ADCY9: variants seen among roughly 807,000 people sequenced by gnomAD.
ADCY9 encodes the protein adenylate cyclase type 9.
In ADCY9, 50 loss-of-function variants were observed where a neutral mutation model predicts 101.5. The observed-to-expected ratio is 0.49, with a 90% CI of 0.39 to 0.62. The LOEUF (loss-of-function observed/expected upper bound fraction) is 0.62, where lower values mean the gene tolerates loss of function less well. Among genes scored for constraint, ADCY9 ranks in the 20% least tolerant of loss-of-function variants. The probability of loss-of-function intolerance (pLI) is 0.00; values close to 1 mark genes in which losing one functional copy is unlikely to be tolerated. For missense variants in ADCY9, 1,662 were observed against 1,800.4 expected, an observed-to-expected ratio of 0.92 and a Z score of 1.39; for synonymous variants, 905 against 769.3, an observed-to-expected ratio of 1.18 and a Z score of -2.92.
intron 9 of ADCY9, among the ~76,000 whole-genome samples, chr16:3,975,671 G>T (rs2056087166): frequency 6.6e-6 from 1 of 152,202 alleles, no homozygotes; most frequent in South Asian, 2.1e-4. Context: ...GCAAGGACAA[G>T]GAAGAAATGT....
intron 2 of ADCY9, among the ~76,000 whole-genome samples, chr16:4,048,412 T>C (rs2056679893): frequency 6.6e-6 from 1 of 152,204 alleles, no homozygotes; most frequent in Non-Finnish European, 1.5e-5. Context: ...GGTCACATTC[T>C]CCCCCTTCTG....
At chr16:4,111,069 G>A (rs2057110777) in intron 2 of ADCY9, among the ~76,000 whole-genome samples, 1 of 152,214 alleles carries the variant, frequency 6.6e-6, no homozygotes, top group Non-Finnish European at 1.5e-5. Context: ...GAAGGAATGT[G>A]CAGAAATCAT....
chr16:4,031,489 T>C (rs535610386), intron 2 of ADCY9, among the ~76,000 whole-genome samples: 2 of 152,156 alleles, frequency 1.3e-5, no homozygotes, highest in African/African-American at 4.8e-5. Context: ...CCAAAGAAAT[T>C]TGGCAAAATG....
At chr16:4,048,943 C>A (rs927967392) in intron 2 of ADCY9, among the ~76,000 whole-genome samples, 3 of 152,122 alleles carry the variant, frequency 2.0e-5, no homozygotes, top group Non-Finnish European at 2.9e-5. Flanking sequence ...AAAACCCAAG[C>A]AAATGAAGGA....
rs368942880 is a variant in ADCY9 at position 4,115,502 on chromosome 16, G to C, written c.-43-17C>G. On this transcript the variant is annotated splice_polypyrimidine_tract_variant and intron_variant, in intron 1 of 10. Transcript: ENST00000294016. This position sits in a 1 kb window ranked among gnomAD's most constrained non-coding sequence, Gnocchi z 6.2. Reference sequence around the variant, plus strand: ...CACCAGTACCTGCCAGCAAAACGGGGAGAGTTAGCGGCGCTCCCACCTAGG... The same window carrying C: ...CACCAGTACCTGCCAGCAAAACGGGCAGAGTTAGCGGCGCTCCCACCTAGG... The C allele has an allele frequency of 2.7e-5, 40 of 1,466,814 alleles. No individual in the cohort carries two copies. In the South Asian group the frequency reaches 5.2e-4, roughly 19 times the overall value. 90.9% of individuals were successfully genotyped at this position (1,466,814 alleles called of 1,614,324 possible). A position where few individuals can be genotyped will look rare whatever the true frequency, so the allele number is the denominator to read the frequency against.
chr16:4,044,583 C>T (rs1245861207), intron 2 of ADCY9, among the ~76,000 whole-genome samples: 3 of 152,058 alleles, frequency 2.0e-5, no homozygotes, highest in African/African-American at 4.8e-5. Context: ...CCAGAGAAAC[C>T]TCGGTTTAAT....
chr16:4,069,237 ATTTT>A, intron 2 of ADCY9, among the ~76,000 whole-genome samples: 2 of 150,590 alleles, frequency 1.3e-5, no homozygotes, highest in Middle Eastern at 6.8e-3. Flanking sequence ...GATTTTTCAA[ATTTT>A]TTTTCTTATT....
intron 2 of ADCY9, chr16:4,031,885 A>C (rs2056557631): frequency 6.6e-6 from 1 of 152,066 alleles, no homozygotes; most frequent in African/African-American, 2.4e-5. Flanking sequence ...TCAATAAATA[A>C]ATAAAATTAA....
chr16:4,109,320 C>T lies in ADCY9; in HGVS notation c.1693+4430G>A, dbSNP rs2057099218. On this transcript the variant is annotated intron_variant, in intron 2 of 10. Transcript: ENST00000294016. ...TCACGGCTCTCTGCAACCTCGACCT[C>T]GTGGGCTCCAGCGATCCTCCTATAT... 2.6e-5 allele frequency among the ~76,000 whole-genome samples: 4 copies of T among 152,302 alleles called. No individual in the cohort carries two copies. In the South Asian group the frequency reaches 8.3e-4, roughly 32 times the overall value.
chr16:4,073,541 T>C (rs2056848149), intron 2 of ADCY9, among the ~76,000 whole-genome samples: 1 of 152,000 alleles, frequency 6.6e-6, no homozygotes, highest in Non-Finnish European at 1.5e-5. Context: ...GATGACAGGC[T>C]CTCACCACCA....
chr16:4,081,674 C>T (rs1412966516), intron 2 of ADCY9, among the ~76,000 whole-genome samples: 3 of 151,698 alleles, frequency 2.0e-5, no homozygotes, highest in Non-Finnish European at 4.4e-5. Context: ...CATCACAGCA[C>T]ATGCGGGGAG....
intron 2 of ADCY9, among the ~76,000 whole-genome samples, chr16:4,075,772 G>C (rs540679843): frequency 6.6e-6 from 1 of 152,276 alleles, no homozygotes; most frequent in South Asian, 2.1e-4. Context: ...GAGGGCTCAG[G>C]AAAAGCTTTC....
downstream of ADCY9, chr16:3,962,594 C>T (rs1054705601): frequency 5.9e-5 from 9 of 152,110 alleles, no homozygotes; most frequent in African/African-American, 1.7e-4. Context: ...CAAGGAAGAC[C>T]GCCCTCCTCT....
intron 2 of ADCY9, among the ~76,000 whole-genome samples, chr16:4,079,411 A>G (rs992007649): frequency 4.6e-5 from 7 of 152,156 alleles, no homozygotes; most frequent in African/African-American, 1.7e-4. Flanking sequence ...TCTACTAAAA[A>G]TACAAAAATT....
At chr16:4,097,328 T>C (rs2141195092) in intron 2 of ADCY9, among the ~76,000 whole-genome samples, 1 of 151,606 alleles carries the variant, frequency 6.6e-6, no homozygotes, top group Non-Finnish European at 1.5e-5. Flanking sequence ...CCGGAGCCTC[T>C]ATTTAATGAA....
intron 2 of ADCY9, among the ~76,000 whole-genome samples, chr16:4,038,934 T>C (rs946418507): frequency 6.6e-6 from 1 of 152,152 alleles, no homozygotes; most frequent in Admixed American, 6.5e-5. Context: ...TCCTCCATTA[T>C]ATTATCACCC....
At chr16:3,987,127 T>TC (rs1017865830) in intron 6 of ADCY9, among the ~76,000 whole-genome samples, 21 of 152,020 alleles carry the variant, frequency 1.4e-4, no homozygotes, top group Non-Finnish European at 2.1e-4. Context: ...TAATTCCTAG[T>TC]CCCCCCACTG....
At chr16:4,086,818 C>T (rs2056941883) in intron 2 of ADCY9, among the ~76,000 whole-genome samples, 1 of 151,986 alleles carries the variant, frequency 6.6e-6, no homozygotes, top group Admixed American at 6.6e-5. Flanking sequence ...CGCCACCACG[C>T]CCGGCTAATT....
intron 2 of ADCY9, among the ~76,000 whole-genome samples, chr16:4,039,070 G>A (rs1404689683): frequency 6.6e-6 from 1 of 152,038 alleles, no homozygotes; most frequent in Non-Finnish European, 1.5e-5. Context: ...CACCTTACAC[G>A]CATTACCCTC....
Sources: allele counts gnomAD v4.1 joint callset (sites outside exome capture counted in the v4.1 genomes callset), GRCh38; gene constraint gnomAD v4.1.1; non-coding constraint Gnocchi (gnomAD v3.1); transcripts MANE v1.5; gene names NCBI Gene and HGNC (gene_info 2026-07-23, HGNC 2026-07-21).